CNTNAP2: variants seen among roughly 807,000 people sequenced by gnomAD.
CNTNAP2 encodes the protein contactin-associated protein-like 2.
In CNTNAP2, 98 loss-of-function variants were observed where a neutral mutation model predicts 155.2. That is an observed-to-expected ratio of 0.63 (90% CI 0.54 to 0.75). The LOEUF is 0.75. CNTNAP2 is among the 30% of genes least tolerant of loss of function. CNTNAP2 has a pLI of 0.00. For missense variants in CNTNAP2, 1,727 were observed against 1,688.1 expected, an observed-to-expected ratio of 1.02 and a Z score of -0.40; for synonymous variants, 651 against 631.2, an observed-to-expected ratio of 1.03 and a Z score of -0.47.
At chr7:148,063,222 T>C (rs1002767675) in intron 15 of CNTNAP2, among the ~76,000 whole-genome samples, 46 of 152,136 alleles carry the variant, frequency 3.0e-4, no homozygotes, top group South Asian at 2.1e-4. Context: ...GTCATTGATA[T>C]GTTTGCTCCT....
chr7:147,499,110 C>T (rs1029763698), intron 11 of CNTNAP2, among the ~76,000 whole-genome samples: 1 of 152,126 alleles, frequency 6.6e-6, no homozygotes, highest in African/African-American at 2.4e-5. Context: ...AAATCTTTTG[C>T]TTTCTAAAAG....
At chr7:147,651,165 A>C (rs912742640) in intron 13 of CNTNAP2, among the ~76,000 whole-genome samples, 6 of 152,176 alleles carry the variant, frequency 3.9e-5, no homozygotes, top group African/African-American at 1.4e-4. Context: ...CTTATGCAAC[A>C]GCGGGGCCTG....
intron 1 of CNTNAP2, among the ~76,000 whole-genome samples, chr7:146,588,175 G>T (rs567886464): frequency 7.2e-5 from 11 of 151,994 alleles, no homozygotes; most frequent in Non-Finnish European, 1.0e-4. Flanking sequence ...TAGAGATTTT[G>T]GTGTGGTTTG....
At chr7:146,337,454 A>G (rs545527321) in intron 1 of CNTNAP2, among the ~76,000 whole-genome samples, 1 of 152,210 alleles carries the variant, frequency 6.6e-6, no homozygotes, top group Non-Finnish European at 1.5e-5. Context: ...GCACACGATT[A>G]CTGTTTTATT....
intron 10 of CNTNAP2, among the ~76,000 whole-genome samples, chr7:147,419,225 T>C (rs1797248217): frequency 6.6e-6 from 1 of 152,118 alleles, no homozygotes; most frequent in Non-Finnish European, 1.5e-5. Context: ...CTTCTCTCTA[T>C]GCCCTGCCTG....
chr7:146,683,816 A>G (rs1800546980), intron 1 of CNTNAP2, among the ~76,000 whole-genome samples: 1 of 152,204 alleles, frequency 6.6e-6, no homozygotes, highest in Non-Finnish European at 1.5e-5. Flanking sequence ...ATTTCAAAGG[A>G]CAGCCTGTTT....
chr7:146,606,084 C>A (rs1217106321), intron 1 of CNTNAP2, among the ~76,000 whole-genome samples: 3 of 152,152 alleles, frequency 2.0e-5, no homozygotes, highest in African/African-American at 7.2e-5. Flanking sequence ...GATTTGATTG[C>A]AGTCATAAAT....
At chr7:146,538,667 A>G (rs140794055) in intron 1 of CNTNAP2, among the ~76,000 whole-genome samples, 50 of 152,156 alleles carry the variant, frequency 3.3e-4, no homozygotes, top group Middle Eastern at 3.4e-3. Context: ...GGCAAGCACA[A>G]CACAATCTTC....
chr7:146,162,149 A>C (rs1022693736), intron 1 of CNTNAP2, among the ~76,000 whole-genome samples: 1 of 152,250 alleles, frequency 6.6e-6, no homozygotes, highest in Non-Finnish European at 1.5e-5. Flanking sequence ...AACAAAAGAC[A>C]AAATTGACAA....
intron 13 of CNTNAP2, among the ~76,000 whole-genome samples, chr7:147,821,603 T>C (rs12540860): frequency 0.075 from 11,402 of 152,152 alleles, 465 homozygotes; most frequent in East Asian, 0.15. Flanking sequence ...TGTGGTAACT[T>C]AGGAACTGAG....
intron 1 of CNTNAP2, among the ~76,000 whole-genome samples, chr7:146,287,023 C>G (rs1184135325): frequency 6.6e-6 from 1 of 152,004 alleles, no homozygotes; most frequent in East Asian, 1.9e-4. Flanking sequence ...AGAACAACCT[C>G]AATAAGAAGA....
intron 17 of CNTNAP2, among the ~76,000 whole-genome samples, chr7:148,169,300 A>G (rs1805731212): frequency 6.6e-6 from 1 of 152,202 alleles, no homozygotes; most frequent in Admixed American, 6.5e-5. Flanking sequence ...GGCACTGACC[A>G]ATATTAGAAT....
At chr7:148,194,248 T>C (rs1249926675) in intron 18 of CNTNAP2, among the ~76,000 whole-genome samples, 1 of 151,664 alleles carries the variant, frequency 6.6e-6, no homozygotes, top group Non-Finnish European at 1.5e-5. Context: ...TCCACCTGCT[T>C]TGGTCCCCAA....
At chr7:147,063,219 A>G (rs1799716848) in intron 4 of CNTNAP2, among the ~76,000 whole-genome samples, 1 of 152,218 alleles carries the variant, frequency 6.6e-6, no homozygotes, top group Non-Finnish European at 1.5e-5. Context: ...GGTAACATGT[A>G]CGTTTTCATT....
intron 18 of CNTNAP2, among the ~76,000 whole-genome samples, chr7:148,188,758 C>T (rs539856218): frequency 2.0e-5 from 3 of 152,182 alleles, no homozygotes; most frequent in East Asian, 1.9e-4. Context: ...ATGTATGTAC[C>T]GTACTATCAT....
At chr7:146,361,058 T>A (rs1380696968) in intron 1 of CNTNAP2, among the ~76,000 whole-genome samples, 2 of 152,172 alleles carry the variant, frequency 1.3e-5, no homozygotes, top group Non-Finnish European at 2.9e-5. Flanking sequence ...CAATATTTTG[T>A]AGCAGGAATT....
chr7:146,530,410 C>CG (rs1797753275), intron 1 of CNTNAP2, among the ~76,000 whole-genome samples: 2 of 151,270 alleles, frequency 1.3e-5, no homozygotes, highest in African/African-American at 4.9e-5. Context: ...ATCTTTTATT[C>CG]AGGGGAAAAA....
chr7:148,142,430 C>A (rs1248776537), intron 16 of CNTNAP2, among the ~76,000 whole-genome samples: 2 of 152,092 alleles, frequency 1.3e-5, no homozygotes, highest in African/African-American at 4.8e-5. Context: ...ATTGATAACA[C>A]TGTTCACCAT....
chr7:147,151,374 TG>T (rs1406495203), intron 8 of CNTNAP2, among the ~76,000 whole-genome samples: 2 of 152,044 alleles, frequency 1.3e-5, no homozygotes, highest in Admixed American at 6.6e-5. Context: ...TGTTAGGCTG[TG>T]AAAAAAGTGA....
Sources: allele counts gnomAD v4.1 joint callset (sites outside exome capture counted in the v4.1 genomes callset), GRCh38; gene constraint gnomAD v4.1.1; transcripts MANE v1.5; gene names NCBI Gene and HGNC (gene_info 2026-07-23, HGNC 2026-07-21).